RAB37: variants seen among roughly 807,000 people sequenced by gnomAD.
RAB37 encodes ras-related protein Rab-37.
In RAB37, 29 loss-of-function variants were observed where a neutral mutation model predicts 33.1. That is an observed-to-expected ratio of 0.88 (90% confidence interval 0.65 to 1.20). RAB37 has a LOEUF of 1.20. RAB37 is among the 50% of genes most tolerant of loss of function. The probability of loss-of-function intolerance (pLI) is 0.00; values close to 1 mark genes in which losing one functional copy is unlikely to be tolerated. For synonymous variants in RAB37, 128 were observed against 119.5 expected, an observed-to-expected ratio of 1.07 and a Z score of -0.47; for missense variants, 299 against 301.1, an observed-to-expected ratio of 0.99 and a Z score of 0.05.
In RAB37 at chr17:74,742,609, ATTC is replaced by A. The variant is rs2034645309; in HGVS notation, c.246+317_246+319del. Among the ~76,000 whole-genome samples the A allele has an allele frequency of 6.6e-6, 1 of 151,452 alleles. No homozygotes were observed. The highest frequency in any genetic ancestry group is 1.5e-5 in the Non-Finnish European group (1 of 67,870). ...CCCCTGAGCTAGGGGAGAGGAGAAGATTCTTTTTTTTTCTTTTCTTTTCTTTTT... is the reference window on the plus strand; with the variant it reads ...CCCCTGAGCTAGGGGAGAGGAGAAGATTTTTTTTTCTTTTCTTTTCTTTTT... On this transcript the variant is annotated intron_variant, in intron 3 of 8. Coordinates refer to ENST00000392613, the MANE Select transcript of RAB37 (RefSeq NM_001006638.3). The surrounding 1 kb of genome is among the most constrained non-coding windows in gnomAD (Gnocchi z 4.0).
chr17:74,729,363 C>T lies in RAB37; in HGVS notation c.180C>T (p.Phe60=), dbSNP rs1004610434. The change falls in exon 2 of 8, where the codon TTC becomes TTT. Residue 60 remains phenylalanine (F), a synonymous_variant. Coordinates refer to the RAB37 transcript ENST00000340415. The surrounding 1 kb of genome is among the most constrained non-coding windows in gnomAD (Gnocchi z 4.2). The stretch of plus-strand genomic sequence containing the variant: ...TCTCGGCCACTGTGGGCATCGGATT[C>T]ACGGTAAGCACTGGCCGGCACTGCC... 6.2e-7 allele frequency: 1 copy of T among 1,611,764 alleles called. No homozygotes were observed. The highest frequency in any genetic ancestry group is 1.3e-5 in the African/African-American group (1 of 74,846).
At position 74,740,848 on chromosome 17, in the gene RAB37, C is replaced by T; in HGVS notation, c.174C>T (p.Thr58=). 1 of 1,613,962 alleles carries T rather than the reference C, an allele frequency of 6.2e-7. No individual in the cohort carries two copies. The highest frequency in any genetic ancestry group is 8.5e-7 in the Non-Finnish European group (1 of 1,179,868). The part of the protein sequence containing the change: ...QFKDGAFLSG[T]FIATVGIDFR... The stretch of plus-strand genomic sequence containing the variant: ...AAGACGGGGCCTTCCTGTCCGGAAC[C>T]TTCATAGCCACCGTCGGCATAGACT... Residue 58 remains threonine, a synonymous_variant, in exon 2 of 9, where the codon ACC becomes ACT. Transcript: ENST00000392613.
At chr17:74,695,234 C>T in intron 1 of RAB37, 3 of 1,614,082 alleles carry the variant, frequency 1.9e-6, no homozygotes, top group Non-Finnish European at 2.5e-6. Flanking sequence ...AGGAAATGTC[C>T]TCCTTCGGCA....
chr17:74,686,973 G>A (rs756948235), intron 1 of RAB37, among the ~76,000 whole-genome samples: 3 of 152,192 alleles, frequency 2.0e-5, no homozygotes, highest in African/African-American at 4.8e-5. Flanking sequence ...AACCCTCTGC[G>A]TCATTGATAG....
At chr17:74,696,069 T>A in intron 1 of RAB37, 1 of 1,328,622 alleles carries the variant, frequency 7.5e-7, no homozygotes, top group African/African-American at 1.5e-5. Flanking sequence ...CCCTGCAGGG[T>A]GCCATGAGGA....
At chr17:74,736,945 G>A (rs887943334), upstream of RAB37, 2 of 1,519,916 alleles carry the variant, frequency 1.3e-6, no homozygotes, top group East Asian at 2.5e-5. Context: ...GCAGCAGACG[G>A]GGTCCCCGCG....
chr17:74,735,731 T>C (rs1425960137), upstream of RAB37, among the ~76,000 whole-genome samples: 2 of 152,162 alleles, frequency 1.3e-5, no homozygotes, highest in African/African-American at 4.8e-5. Flanking sequence ...TAACCCAAGC[T>C]CTTTACTCTA....
At chr17:74,731,222 C>A (rs538663208) in intron 2 of RAB37, among the ~76,000 whole-genome samples, 1 of 152,356 alleles carries the variant, frequency 6.6e-6, no homozygotes, top group Admixed American at 6.5e-5. Context: ...GTCCTTCTCA[C>A]GGAGATTTGA....
rs1261165731 is a variant in RAB37, at chr17:74,738,162, G to A, written c.93+797G>A. On this transcript the variant is annotated intron_variant, in intron 1 of 8. Transcript: ENST00000392613. The surrounding 1 kb of genome is among the most constrained non-coding windows in gnomAD (Gnocchi z 5.0). ...GAAAGAACTGCTGAGGGAGCCTAGA[G>A]CTTCCACTCTTCCTCTGCAGGGTTG... is the stretch of plus-strand genomic sequence containing the variant. Among the ~76,000 whole-genome samples, 2 of 152,182 alleles carry A rather than the reference G, an allele frequency of 1.3e-5. No individual in the cohort carries two copies. The highest frequency in any genetic ancestry group is 4.8e-5 in the African/African-American group (2 of 41,426).
At position 74,746,146 on chromosome 17, in the gene RAB37, T is replaced by TCC. The variant is rs1044627123; in HGVS notation, c.*742_*743dup. On this transcript the variant is annotated 3_prime_UTR_variant, in exon 9 of 9. Transcript: ENST00000392613. This position sits in a 1 kb window ranked among gnomAD's most constrained non-coding sequence, Gnocchi z 5.2. ...GGACTTCAGATCCTGGGGGAGCCCC[T>TCC]CCCCCCCCTGAATCCCTGGCTTAGC... The TCC allele has an allele frequency of 6.6e-6, 1 of 150,444 alleles. No individual in the cohort carries two copies. Among genetic ancestry groups the TCC allele is most frequent in the African/African-American group, 2.5e-5 (1 of 40,704 alleles). 9.3% of individuals were successfully genotyped at this position (150,444 alleles called of 1,614,324 possible). A position where few individuals can be genotyped will look rare whatever the true frequency, so the allele number is the denominator to read the frequency against.
chr17:74,720,750 G>T (rs1461812411), intron 1 of RAB37, among the ~76,000 whole-genome samples: 2 of 152,162 alleles, frequency 1.3e-5, no homozygotes, highest in Non-Finnish European at 1.5e-5. Flanking sequence ...TCAGTGGAGA[G>T]CCAGGGTGAC....
chr17:74,698,621 C>T, intron 1 of RAB37: 2 of 1,482,686 alleles, frequency 1.3e-6, no homozygotes, highest in Non-Finnish European at 1.8e-6. Context: ...AACCCTCACT[C>T]CTGGGGATCC....
At chr17:74,698,016 T>C (rs946074513) in intron 1 of RAB37, among the ~76,000 whole-genome samples, 1 of 152,116 alleles carries the variant, frequency 6.6e-6, no homozygotes, top group Non-Finnish European at 1.5e-5. Flanking sequence ...GACAACCACA[T>C]AGACCCAACT....
At chr17:74,726,085 A>C (rs2034302581) in intron 1 of RAB37, among the ~76,000 whole-genome samples, 1 of 151,930 alleles carries the variant, frequency 6.6e-6, no homozygotes, top group South Asian at 2.1e-4. Context: ...AAATACAAAA[A>C]TTAGCCAGGT....
intron 2 of RAB37, among the ~76,000 whole-genome samples, chr17:74,741,122 T>C (rs1325741698): frequency 2.0e-5 from 3 of 152,096 alleles, no homozygotes; most frequent in African/African-American, 7.2e-5. Flanking sequence ...TCCAGCTCCA[T>C]TCCTGGGGGA....
intron 1 of RAB37, chr17:74,695,038 T>C: frequency 6.5e-7 from 1 of 1,549,774 alleles, no homozygotes; most frequent in Non-Finnish European, 8.7e-7. Context: ...GGGCAGACGG[T>C]CGATGAGGCA....
chr17:74,673,002 A>G (rs1307631882), intron 1 of RAB37: 1 of 152,234 alleles, frequency 6.6e-6, no homozygotes, highest in Non-Finnish European at 1.5e-5. Flanking sequence ...AGAGAAGGAG[A>G]AAAAATGTAT....
chr17:74,686,036 G>C (rs993539959), intron 1 of RAB37, among the ~76,000 whole-genome samples: 10 of 152,130 alleles, frequency 6.6e-5, no homozygotes, highest in Admixed American at 3.9e-4. Context: ...CACTGCCCCT[G>C]GGCAGACTCT....
rs1283178271 is a variant in RAB37, at chr17:74,744,899, C to T, written c.459C>T (p.Ile153=). 6.2e-7 allele frequency: 1 copy of T among 1,614,272 alleles called. No individual in the cohort carries two copies. The highest frequency in any genetic ancestry group is 8.5e-7 in the Non-Finnish European group (1 of 1,180,044). ...CGGATATGAGCAGCGAAAGAGTGAT[C>T]CGTTCCGAAGACGGAGAGACCTTGG... ...NKADMSSERV[I]RSEDGETLAR... is the part of the protein sequence containing the mutation. Residue 153 remains isoleucine (I), a synonymous_variant, in exon 7 of 9, where the codon ATC becomes ATT. Coordinates refer to ENST00000392613, the MANE Select transcript of RAB37 (RefSeq NM_001006638.3). This position sits in a 1 kb window ranked among gnomAD's most constrained non-coding sequence, Gnocchi z 4.2.
Sources: gnomAD v4.1 joint callset for allele counts (sites outside exome capture counted in the v4.1 genomes callset) on GRCh38, gnomAD v4.1.1 for gene constraint, Gnocchi (gnomAD v3.1) non-coding constraint, MANE v1.5 for transcripts, NCBI Gene and HGNC (gene_info 2026-07-23, HGNC 2026-07-21) for gene names.